Variants in GPHN observed in about 807,000 individuals in gnomAD.
GPHN encodes gephyrin.
A neutral mutation model predicts 95.5 loss-of-function variants in GPHN; 17 were observed. The ratio of observed to expected loss-of-function variants is 0.18; its 90% confidence interval spans 0.12 to 0.27. The LOEUF is 0.27. GPHN is among the 10% of genes least tolerant of loss of function. The pLI, the probability that GPHN is intolerant of heterozygous loss-of-function variation, is 1.00. For missense variants in GPHN, 660 were observed against 978.1 expected (o/e 0.67, Z 4.34); for synonymous variants, 320 against 322.5 (o/e 0.99, Z 0.08).
At chr14:67,573,758 G>C in the GPHN span, 1 of 1,284,034 alleles carries the variant, frequency 7.8e-7, no homozygotes, top group Non-Finnish European at 1.1e-6. The surrounding 1 kb of genome is among the most constrained non-coding windows in gnomAD (Gnocchi z 4.8). Flanking sequence ...CTCCGGAAAG[G>C]CTCCACATTC....
At chr14:66,572,498 G>A (rs1270530009) in intron 1 of GPHN, among the ~76,000 whole-genome samples, 3 of 152,000 alleles carry the variant, frequency 2.0e-5, no homozygotes, top group Non-Finnish European at 4.4e-5. Flanking sequence ...GTGTGTGTGT[G>A]TGTGTGTGTA....
rs185705228 is a variant in GPHN at position 67,044,331 on chromosome 14, C to G, written c.1007-14318C>G. Among the ~76,000 whole-genome samples, 621 of 152,096 alleles carry G rather than the reference C, an allele frequency of 4.1e-3. 3 individuals carry two copies. Among genetic ancestry groups the G allele is most frequent in the Non-Finnish European group, 6.9e-3 (471 of 67,992 alleles). On this transcript the variant is annotated intron_variant, in intron 10 of 22. Transcript: ENST00000478722. ...CAGCCTGGGTGACAGAGACAAGACTCTGTCTCAAAAAAAAACAAAAAATAA... is the reference window on the plus strand; with the variant it reads ...CAGCCTGGGTGACAGAGACAAGACTGTGTCTCAAAAAAAAACAAAAAATAA...
chr14:66,624,916 A>G (rs2063460676), intron 1 of GPHN, among the ~76,000 whole-genome samples: 2 of 151,990 alleles, frequency 1.3e-5, no homozygotes, highest in Admixed American at 6.6e-5. Flanking sequence ...TTACAGAGAC[A>G]CCCCTCCATG....
chr14:66,703,483 C>A (rs2068757860), intron 2 of GPHN, among the ~76,000 whole-genome samples: 1 of 152,172 alleles, frequency 6.6e-6, no homozygotes, highest in Admixed American at 6.5e-5. Flanking sequence ...GATTGGGGGC[C>A]AATATTCAAC....
intron 1 of GPHN, among the ~76,000 whole-genome samples, chr14:66,531,265 A>G (rs2058926019): frequency 1.3e-5 from 2 of 151,972 alleles, no homozygotes; most frequent in South Asian, 4.1e-4. Flanking sequence ...TTTATACTGG[A>G]CTTGGATTTT....
chr14:66,689,752 G>T (rs2067652903), intron 2 of GPHN, among the ~76,000 whole-genome samples: 1 of 151,898 alleles, frequency 6.6e-6, no homozygotes, highest in Non-Finnish European at 1.5e-5. Context: ...TTTCTTCTTG[G>T]CTCAGTTGTG....
At chr14:67,682,660 A>C in the GPHN span, among the ~76,000 whole-genome samples, 1 of 152,262 alleles carries the variant, frequency 6.6e-6, no homozygotes, top group African/African-American at 2.4e-5. Flanking sequence ...TGGGAATGTA[A>C]AATGGGGCAG....
At chr14:67,431,827 A>G in the GPHN span, among the ~76,000 whole-genome samples, 1 of 152,228 alleles carries the variant, frequency 6.6e-6, no homozygotes, top group Admixed American at 6.5e-5. Flanking sequence ...CGCAGGGGGC[A>G]GTCAGTGCCC....
At chr14:66,575,462 T>G (rs909214976) in intron 1 of GPHN, among the ~76,000 whole-genome samples, 1 of 152,212 alleles carries the variant, frequency 6.6e-6, no homozygotes, top group African/African-American at 2.4e-5. Flanking sequence ...TTAGAGTCAT[T>G]TAGTAGTACA....
chr14:67,178,217 G>A (rs2083119885), intron 21 of GPHN, among the ~76,000 whole-genome samples: 1 of 152,144 alleles, frequency 6.6e-6, no homozygotes, highest in Non-Finnish European at 1.5e-5. Context: ...TCCTTTCCAT[G>A]TTTAGTGCTT....
the GPHN span, chr14:67,659,985 C>A: frequency 6.6e-7 from 1 of 1,511,916 alleles, no homozygotes; most frequent in Non-Finnish European, 9.0e-7. Context: ...TGGAAATATG[C>A]CTAGTTTGGA....
chr14:66,847,904 A>G (rs1255387828), intron 4 of GPHN, among the ~76,000 whole-genome samples: 1 of 152,034 alleles, frequency 6.6e-6, no homozygotes, highest in African/African-American at 2.4e-5. Context: ...GCTGGCAGAA[A>G]CTAACTCATG....
At chr14:66,966,921 A>G (rs1483450370) in intron 9 of GPHN, among the ~76,000 whole-genome samples, 1 of 151,964 alleles carries the variant, frequency 6.6e-6, no homozygotes, top group Non-Finnish European at 1.5e-5. Flanking sequence ...TTGAAAAATC[A>G]CTTGGTACTT....
chr14:67,353,675 G>C, the GPHN span: 2 of 152,078 alleles, frequency 1.3e-5, no homozygotes, highest in South Asian at 4.2e-4. Flanking sequence ...ATTTTTAGTA[G>C]AGACAGGGTT....
chr14:67,067,824 G>A (rs1405053152), intron 11 of GPHN, among the ~76,000 whole-genome samples: 1 of 152,198 alleles, frequency 6.6e-6, no homozygotes, highest in Non-Finnish European at 1.5e-5. Context: ...ACAGGATTTG[G>A]GCAGGAATGC....
At chr14:67,364,960 A>T in the GPHN span, 1 of 1,614,010 alleles carries the variant, frequency 6.2e-7, no homozygotes, top group Non-Finnish European at 8.5e-7. Context: ...ACTCATCCGA[A>T]TTGGCAGGAA....
chr14:67,342,230 A>C, the GPHN span, among the ~76,000 whole-genome samples: 14 of 151,158 alleles, frequency 9.3e-5, no homozygotes, highest in African/African-American at 2.9e-4. Context: ...AAATAAAAAA[A>C]AACACAAAGA....
At chr14:67,166,659 G>GT (rs1045462951) in intron 20 of GPHN, among the ~76,000 whole-genome samples, 2 of 149,918 alleles carry the variant, frequency 1.3e-5, no homozygotes, top group Non-Finnish European at 3.0e-5. Flanking sequence ...TGTGTTTTGT[G>GT]TTTTTTGTTT....
chr14:66,978,737 C>A (rs937425176), intron 9 of GPHN, among the ~76,000 whole-genome samples: 9 of 152,142 alleles, frequency 5.9e-5, no homozygotes, highest in African/African-American at 2.2e-4. Context: ...CAAAAATGTT[C>A]TGAATGGCAT....
Sources: allele counts gnomAD v4.1 joint callset (sites outside exome capture counted in the v4.1 genomes callset), GRCh38; gene constraint gnomAD v4.1.1; non-coding constraint Gnocchi (gnomAD v3.1); transcripts MANE v1.5; gene names NCBI Gene and HGNC (gene_info 2026-07-23, HGNC 2026-07-21).